The following SENP7 variants were observed in gnomAD, a reference collection of about 807,000 sequenced individuals.
SENP7 encodes the protein SUMO specific peptidase 7.
Under a neutral mutation model 141.2 loss-of-function variants are expected in SENP7, and 64 were observed. That is an observed-to-expected ratio of 0.45 (90% CI 0.37 to 0.56). The LOEUF (loss-of-function observed/expected upper bound fraction) is 0.56. Ranked by LOEUF, SENP7 falls within the 20% of genes least tolerant of loss-of-function variation. The pLI is 0.00. For synonymous variants in SENP7, 382 were observed against 426.4 expected (o/e 0.90, Z 1.28); for missense variants, 1,025 against 1,212.2 (o/e 0.85, Z 2.29).
At chr3:101,340,258 A>G in intron 15 of SENP7, 47 bp from the exon 16 acceptor site, 1 of 1,524,790 alleles carries the variant, frequency 6.6e-7, no homozygotes, top group African/African-American at 1.4e-5. Context: ...TGAAAATCCT[A>G]TTATCTAAGA....
chr3:101,491,537 T>C (rs1418136881), intron 3 of SENP7, among the ~76,000 whole-genome samples: 2 of 152,150 alleles, frequency 1.3e-5, no homozygotes, highest in African/African-American at 2.4e-5. Context: ...GGATAACAGG[T>C]GTGAGCCACC....
At chr3:101,427,490 C>CAAAAAA (rs55677738) in intron 4 of SENP7, among the ~76,000 whole-genome samples, 9 of 101,002 alleles carry the variant, frequency 8.9e-5, no homozygotes, top group Non-Finnish European at 1.2e-4. Flanking sequence ...ACACTGTCTC[C>CAAAAAA]AAAAAAAAAA....
chr3:101,432,161 T>G (rs1321844707), intron 4 of SENP7, among the ~76,000 whole-genome samples: 1 of 152,202 alleles, frequency 6.6e-6, no homozygotes, highest in Admixed American at 6.5e-5. Flanking sequence ...CCATACTCCT[T>G]GTGGCCTGGG....
chr3:101,353,208 T>C (rs772889343), intron 11 of SENP7, among the ~76,000 whole-genome samples: 8 of 152,022 alleles, frequency 5.3e-5, no homozygotes, highest in Non-Finnish European at 1.0e-4. Flanking sequence ...TCACAGGGTC[T>C]TTAATCCTAT....
intron 3 of SENP7, among the ~76,000 whole-genome samples, chr3:101,476,561 A>G (rs78094726): frequency 0.4 from 60,501 of 152,030 alleles, 12,553 homozygotes; most frequent in Admixed American, 0.54. Flanking sequence ...ATAAACATAC[A>G]TGTGCATGTA....
At chr3:101,376,060 T>C (rs1405029030) in intron 6 of SENP7, among the ~76,000 whole-genome samples, 1 of 152,166 alleles carries the variant, frequency 6.6e-6, no homozygotes, top group Non-Finnish European at 1.5e-5. Flanking sequence ...TGGATGAACT[T>C]TGAGGACATT....
At chr3:101,399,125 G>A (rs1025453161) in intron 5 of SENP7, 70 bp from the exon 6 acceptor site, 6 of 1,036,800 alleles carry the variant, frequency 5.8e-6, no homozygotes, top group Non-Finnish European at 7.9e-6. Flanking sequence ...ATTCCAGGAA[G>A]GTGAATTTTC....
chr3:101,440,478 G>T, intron 4 of SENP7, among the ~76,000 whole-genome samples: 2 of 124,034 alleles, frequency 1.6e-5, no homozygotes, highest in East Asian at 2.2e-4. Flanking sequence ...AGAGACCTTT[G>T]TTCACTTGTT....
intron 4 of SENP7, among the ~76,000 whole-genome samples, chr3:101,432,700 A>G (rs1182226808): frequency 6.6e-6 from 1 of 152,236 alleles, no homozygotes; most frequent in Non-Finnish European, 1.5e-5. Context: ...TATCTCTATG[A>G]GTCTGTAAGA....
At chr3:101,448,735 T>C (rs2107813191) in intron 4 of SENP7, among the ~76,000 whole-genome samples, 1 of 152,082 alleles carries the variant, frequency 6.6e-6, no homozygotes, top group South Asian at 2.1e-4. Flanking sequence ...TACGTCACCA[T>C]CATCAAAGAC....
rs2058867103 is a variant in SENP7 at position 101,325,169 on chromosome 3, A to G, written c.*774T>C. 2 of 152,112 alleles carry G rather than the reference A, an allele frequency of 1.3e-5. No individual in the cohort carries two copies. The highest frequency in any genetic ancestry group is 2.9e-5 in the Non-Finnish European group (2 of 67,996). The allele number at this position is 152,112 out of a possible 1,614,324, so 9.4% of individuals were successfully genotyped here. A position where few individuals can be genotyped will look rare whatever the true frequency, so the allele number is the denominator to read the frequency against. On this transcript the variant is annotated 3_prime_UTR_variant, in exon 24 of 24. Transcript: ENST00000394095. The stretch of plus-strand genomic sequence containing the variant: ...TAATGTGAGTGAATATTTATATAGC[A>G]GTACCTCAAGTTGAGCTACATGTAT...
intron 11 of SENP7, chr3:101,358,428 A>G: frequency 2.5e-6 from 1 of 401,594 alleles, no homozygotes; most frequent in Non-Finnish European, 5.0e-6. Flanking sequence ...AACCCTATAA[A>G]TGTGATGAAT....
chr3:101,482,496 G>C (rs931723427), intron 3 of SENP7, among the ~76,000 whole-genome samples: 8 of 152,042 alleles, frequency 5.3e-5, no homozygotes, highest in African/African-American at 1.9e-4. Context: ...TTCACAAGTT[G>C]ATCAACAGAT....
At chr3:101,478,256 G>A (rs962500183) in intron 3 of SENP7, among the ~76,000 whole-genome samples, 1 of 152,102 alleles carries the variant, frequency 6.6e-6, no homozygotes, top group Non-Finnish European at 1.5e-5. Context: ...AGTGGCTTAT[G>A]CCTGCAATCC....
chr3:101,327,846 A>C (rs760850518), intron 22 of SENP7, 30 bp from the exon 23 acceptor site: 2 of 1,519,566 alleles, frequency 1.3e-6, no homozygotes, highest in East Asian at 4.6e-5. Context: ...AGAGTGACTA[A>C]AGTAGAAATC....
At position 101,408,658 on chromosome 3, in the gene SENP7, A is replaced by G. The variant is rs2061371892; in HGVS notation, c.482+8935T>C. Among the ~76,000 whole-genome samples the G allele has an allele frequency of 2.0e-5, 3 of 152,230 alleles. 1 individual carries two copies. The highest frequency in any genetic ancestry group is 2.1e-4 in the South Asian group (1 of 4,830). ...TAAGTCAATAAATGTGACACACCAC[A>G]TAAACAGAATTAAAAACAAAAATCC... On this transcript the variant is annotated intron_variant, in intron 5 of 23. Transcript: ENST00000394095.
intron 1 of SENP7, among the ~76,000 whole-genome samples, chr3:101,506,948 C>T (rs1243937650): frequency 1.3e-5 from 2 of 151,892 alleles, no homozygotes; most frequent in Admixed American, 1.3e-4. Context: ...GTAGTCCTAG[C>T]TACTCCGGAG....
intron 4 of SENP7, among the ~76,000 whole-genome samples, chr3:101,452,327 C>T (rs1483161053): frequency 1.3e-5 from 2 of 152,206 alleles, no homozygotes; most frequent in Non-Finnish European, 2.9e-5. Context: ...CCCCATCAAG[C>T]TACCAATGAC....
chr3:101,464,419 C>T (rs1166958660), intron 3 of SENP7, among the ~76,000 whole-genome samples: 3 of 152,166 alleles, frequency 2.0e-5, no homozygotes, highest in African/African-American at 7.2e-5. Context: ...TTTACAGCCA[C>T]TCCCCATTAC....
Sources: gnomAD v4.1 joint callset for allele counts (sites outside exome capture counted in the v4.1 genomes callset) on GRCh38, gnomAD v4.1.1 for gene constraint, MANE v1.5 for transcripts, NCBI Gene and HGNC (gene_info 2026-07-23, HGNC 2026-07-21) for gene names.